The following RTN4RL1 variants were observed in gnomAD, a reference collection of about 807,000 sequenced individuals.
RTN4RL1 encodes reticulon 4 receptor like 1.
Under a neutral mutation model 25.6 loss-of-function variants are expected in RTN4RL1, and 7 were observed. That is an observed-to-expected ratio of 0.27 (90% CI 0.16 to 0.51). RTN4RL1 has a LOEUF of 0.51. Ranked by LOEUF, RTN4RL1 falls within the 20% of genes least tolerant of loss-of-function variation. The probability of loss-of-function intolerance (pLI) is 0.97; values close to 1 mark genes in which losing one functional copy is unlikely to be tolerated. For synonymous variants in RTN4RL1, 297 were observed against 288.2 expected (o/e 1.03, Z -0.31); for missense variants, 500 against 615.6 (o/e 0.81, Z 1.99).
At chr17:1,991,266 T>C (rs1394775404) in intron 1 of RTN4RL1, among the ~76,000 whole-genome samples, 1 of 151,706 alleles carries the variant, frequency 6.6e-6, no homozygotes, top group African/African-American at 2.4e-5. Context: ...CGGGGAAGGG[T>C]AGGCATAGGC....
At position 1,936,858 on chromosome 17, in the gene RTN4RL1, C is replaced by T. The variant is rs572459222; in HGVS notation, c.964G>A (p.Asp322Asn). Residue 322 changes from aspartate to asparagine, a missense_variant, in exon 2 of 2, where the codon GAC becomes AAC. Transcript: ENST00000331238. Reference protein sequence around the residue: ...QIKSHTLTTTDRAARKEHHSP... With the variant: ...QIKSHTLTTTNRAARKEHHSP... ...TGGTGTTCCTTGCGGGCGGCCCTGT[C>T]GGTGGTGGTGAGCGTGTGTGACTTG... 20 of 1,590,760 alleles carry T rather than the reference C, an allele frequency of 1.3e-5. No homozygotes were observed. Among genetic ancestry groups the T allele is most frequent in the Middle Eastern group, 1.7e-4 (1 of 5,920 alleles).
At chr17:1,967,768 T>C (rs2066798757) in intron 1 of RTN4RL1, among the ~76,000 whole-genome samples, 2 of 152,120 alleles carry the variant, frequency 1.3e-5, no homozygotes, top group Non-Finnish European at 2.9e-5. Flanking sequence ...GCTTCCCAAG[T>C]AGCCGGGAGT....
chr17:1,987,810 T>C (rs2066893333), intron 1 of RTN4RL1, among the ~76,000 whole-genome samples: 1 of 151,058 alleles, frequency 6.6e-6, no homozygotes, highest in African/African-American at 2.4e-5. Context: ...TGACCAGAAA[T>C]AATTAAGCCC....
chr17:1,954,204 G>A (rs534349102), intron 1 of RTN4RL1, among the ~76,000 whole-genome samples: 10 of 152,190 alleles, frequency 6.6e-5, no homozygotes, highest in African/African-American at 2.4e-4. Flanking sequence ...GCCTTCCAAT[G>A]AGTTCCTTTT....
At chr17:1,953,473 A>T (rs1198706231) in intron 1 of RTN4RL1, among the ~76,000 whole-genome samples, 1 of 152,182 alleles carries the variant, frequency 6.6e-6, no homozygotes, top group African/African-American at 2.4e-5. Context: ...TAATGGGTGC[A>T]GCACACCAAC....
intron 1 of RTN4RL1, among the ~76,000 whole-genome samples, chr17:1,966,321 G>A (rs1428729077): frequency 4.6e-5 from 7 of 152,162 alleles, no homozygotes; most frequent in Non-Finnish European, 7.4e-5. Flanking sequence ...GCCCTGGGGC[G>A]AGGCCCCCTC....
At chr17:1,947,803 C>T (rs1473624937) in intron 1 of RTN4RL1, among the ~76,000 whole-genome samples, 5 of 152,184 alleles carry the variant, frequency 3.3e-5, no homozygotes, top group African/African-American at 7.2e-5. Flanking sequence ...TCTGGACCCA[C>T]GTACTGCCCA....
chr17:1,943,083 A>G (rs1456533449), intron 1 of RTN4RL1, among the ~76,000 whole-genome samples: 2 of 151,988 alleles, frequency 1.3e-5, no homozygotes, highest in Non-Finnish European at 1.5e-5. Context: ...TGTGGAGGGC[A>G]CTCTGCAGCT....
intron 1 of RTN4RL1, among the ~76,000 whole-genome samples, chr17:1,942,027 G>C (rs1915448190): frequency 6.6e-6 from 1 of 152,176 alleles, no homozygotes; most frequent in Non-Finnish European, 1.5e-5. Context: ...GCAGGGATCA[G>C]ACTCTCTCCG....
In RTN4RL1 at chr17:1,998,944, C is replaced by A. The variant is rs1184134059; in HGVS notation, c.13+25909G>T. Among the ~76,000 whole-genome samples the A allele has an allele frequency of 2.6e-5, 4 of 152,176 alleles. No homozygotes were observed. The highest frequency in any genetic ancestry group is 5.9e-5 in the Non-Finnish European group (4 of 68,030). ...CCCTGCCCTCACCGAGGGTTCCAGTCGGCTGTGCACAACTGAAGAGCTGCT... is the reference window on the plus strand; with the variant it reads ...CCCTGCCCTCACCGAGGGTTCCAGTAGGCTGTGCACAACTGAAGAGCTGCT... On this transcript the variant is annotated intron_variant, in intron 1 of 1. Coordinates refer to ENST00000331238, the MANE Select transcript of RTN4RL1 (RefSeq NM_178568.4). The surrounding 1 kb of genome is among the most constrained non-coding windows in gnomAD (Gnocchi z 4.9).
intron 1 of RTN4RL1, among the ~76,000 whole-genome samples, chr17:1,961,435 GT>G (rs2066759944): frequency 6.6e-6 from 1 of 152,188 alleles, no homozygotes; most frequent in Non-Finnish European, 1.5e-5. Context: ...GGCCTCTCTA[GT>G]TTGCAATTTG....
At chr17:1,938,853 C>T (rs1915371882) in intron 1 of RTN4RL1, among the ~76,000 whole-genome samples, 1 of 150,284 alleles carries the variant, frequency 6.7e-6, no homozygotes, top group South Asian at 2.1e-4. Context: ...GAGTTCAACA[C>T]CACCCTAGCC....
chr17:1,947,370 C>T (rs927320164), intron 1 of RTN4RL1, among the ~76,000 whole-genome samples: 1 of 152,338 alleles, frequency 6.6e-6, no homozygotes, highest in South Asian at 2.1e-4. Context: ...GGTGGCGGCC[C>T]GGCCCCCTTC....
chr17:1,960,479 AG>A (rs1915872965), intron 1 of RTN4RL1, among the ~76,000 whole-genome samples: 1 of 152,148 alleles, frequency 6.6e-6, no homozygotes, highest in African/African-American at 2.4e-5. Context: ...TCACAGCGCT[AG>A]CTGCACTGGC....
At chr17:2,024,823 C>T in intron 1 of RTN4RL1, 30 bp downstream of exon 1, 3 of 1,563,178 alleles carry the variant, frequency 1.9e-6, no homozygotes, top group Middle Eastern at 1.7e-4. Context: ...GCGCATTCAA[C>T]TTCAACTTGC....
At chr17:1,953,093 T>A (rs1371865312) in intron 1 of RTN4RL1, among the ~76,000 whole-genome samples, 1 of 150,528 alleles carries the variant, frequency 6.6e-6, no homozygotes, top group East Asian at 1.9e-4. Flanking sequence ...TAAAATAAAA[T>A]AAAATAAATA....
intron 1 of RTN4RL1, chr17:2,019,038 C>G (rs908117592): frequency 6.6e-6 from 1 of 152,284 alleles, no homozygotes; most frequent in African/African-American, 2.4e-5. Context: ...GCTCCTCTCT[C>G]CAGTTCCTCG....
At chr17:1,991,390 T>G (rs1480065348) in intron 1 of RTN4RL1, among the ~76,000 whole-genome samples, 1 of 151,114 alleles carries the variant, frequency 6.6e-6, no homozygotes, top group Non-Finnish European at 1.5e-5. Context: ...GAGTTTGTTT[T>G]TTTTTGAACC....
At chr17:1,975,150 A>C (rs934555346) in intron 1 of RTN4RL1, among the ~76,000 whole-genome samples, 2 of 152,194 alleles carry the variant, frequency 1.3e-5, no homozygotes, top group African/African-American at 4.8e-5. Flanking sequence ...GAGAGAAGAC[A>C]TGGTACAGGG....
Sources: gnomAD v4.1 joint callset for allele counts (sites outside exome capture counted in the v4.1 genomes callset) on GRCh38, gnomAD v4.1.1 for gene constraint, Gnocchi (gnomAD v3.1) non-coding constraint, MANE v1.5 for transcripts, NCBI Gene and HGNC (gene_info 2026-07-23, HGNC 2026-07-21) for gene names.